The following INPP5A variants were observed in gnomAD, a reference collection of about 807,000 sequenced individuals.
The protein encoded by INPP5A is 43 kDa inositol polyphosphate 5-phophatase.
A neutral mutation model predicts 65.2 loss-of-function variants in INPP5A; 14 were observed. The observed-to-expected ratio is 0.21, with a 90% confidence interval of 0.14 to 0.34. INPP5A has a LOEUF of 0.34. Among genes scored for constraint, INPP5A ranks in the 10% least tolerant of loss-of-function variants. The pLI is 1.00. For missense variants in INPP5A, 431 were observed against 545.6 expected, an observed-to-expected ratio of 0.79 and a Z score of 2.09; for synonymous variants, 207 against 208.3, an observed-to-expected ratio of 0.99 and a Z score of 0.05.
In INPP5A at chr10:132,704,051, C is replaced by T. The variant is rs1283821166; in HGVS notation, c.475-4262C>T. Among the ~76,000 whole-genome samples the T allele has an allele frequency of 6.6e-6, 1 of 151,466 alleles. No homozygotes were observed. Among genetic ancestry groups the T allele is most frequent in the Non-Finnish European group, 1.5e-5 (1 of 67,886 alleles). On this transcript the variant is annotated intron_variant, in intron 6 of 15. Transcript: ENST00000368594. The surrounding 1 kb of genome is among the most constrained non-coding windows in gnomAD (Gnocchi z 4.5). ...TGGCTTCACCCCCACACACACGCAG[C>T]TTCACCCGCATGGGTTCTGAAGGCT...
At chr10:132,648,810 C>A (rs1214477859) in intron 3 of INPP5A, among the ~76,000 whole-genome samples, 1 of 152,186 alleles carries the variant, frequency 6.6e-6, no homozygotes, top group African/African-American at 2.4e-5. Flanking sequence ...GTCTTTATAG[C>A]TGGTTTGCAG....
chr10:132,540,728 C>T (rs370850068), intron 1 of INPP5A, among the ~76,000 whole-genome samples: 18 of 152,360 alleles, frequency 1.2e-4, no homozygotes, highest in Admixed American at 2.6e-4. Flanking sequence ...TTGTGCAGCC[C>T]GTCCCGTGCT....
In INPP5A at chr10:132,545,953, T is replaced by C. The variant is rs183908280; in HGVS notation, c.75+7782T>C. On this transcript the variant is annotated intron_variant, in intron 1 of 15. Coordinates refer to ENST00000368594, the MANE Select transcript of INPP5A (RefSeq NM_005539.5). The surrounding 1 kb of genome is among the most constrained non-coding windows in gnomAD (Gnocchi z 4.6). ...TGGCACCTGCACTGTGTCCACTCTT[T>C]AGGCTCTAATGTTCATGGTGTGTTT... Among the ~76,000 whole-genome samples, 18 of 152,348 alleles carry C rather than the reference T, an allele frequency of 1.2e-4. No individual in the cohort carries two copies. The East Asian group carries it at 3.3e-3, about 28-fold the overall frequency.
rs549874815 is a variant in INPP5A at position 132,712,302 on chromosome 10, G to A, written c.647+1846G>A. Among the ~76,000 whole-genome samples the A allele has an allele frequency of 2.0e-5, 3 of 152,244 alleles. No individual in the cohort carries two copies. The South Asian group carries it at 6.2e-4, about 32-fold the overall frequency. Reference sequence around the variant, plus strand: ...CACATGCACATGCATGTGAGTGTATGCACAGTTGCTTGTGGGGTTTGTGTG... The same window carrying A: ...CACATGCACATGCATGTGAGTGTATACACAGTTGCTTGTGGGGTTTGTGTG... On this transcript the variant is annotated intron_variant, in intron 8 of 15. Transcript: ENST00000368594.
chr10:132,582,608 A>G (rs1480360986), intron 1 of INPP5A, among the ~76,000 whole-genome samples: 1 of 151,938 alleles, frequency 6.6e-6, no homozygotes, highest in Non-Finnish European at 1.5e-5. Flanking sequence ...TTTTGTAGAG[A>G]TGGGGTCTCA....
At chr10:132,693,280 A>T (rs180898741) in intron 5 of INPP5A, among the ~76,000 whole-genome samples, 59 of 152,352 alleles carry the variant, frequency 3.9e-4, no homozygotes, top group Admixed American at 3.9e-3. Flanking sequence ...AAAGGCAACA[A>T]ATAGAAAACT....
intron 4 of INPP5A, among the ~76,000 whole-genome samples, chr10:132,672,407 G>A (rs925929848): frequency 6.6e-6 from 1 of 152,150 alleles, no homozygotes; most frequent in Non-Finnish European, 1.5e-5. Flanking sequence ...GGGACCCTGC[G>A]GGAGGCAAGG....
chr10:132,599,745 A>G (rs2071753081), intron 1 of INPP5A, among the ~76,000 whole-genome samples: 1 of 152,220 alleles, frequency 6.6e-6, no homozygotes, highest in Admixed American at 6.5e-5. Context: ...ACATCGAGGC[A>G]TTTTCATACA....
intron 9 of INPP5A, among the ~76,000 whole-genome samples, chr10:132,730,591 T>C (rs2134592491): frequency 6.6e-6 from 1 of 152,308 alleles, no homozygotes; most frequent in African/African-American, 2.4e-5. Flanking sequence ...TGCCTGGCCA[T>C]CGAAGCGTCA....
intron 1 of INPP5A, among the ~76,000 whole-genome samples, chr10:132,574,289 C>T (rs1386596050): frequency 8.4e-6 from 1 of 119,714 alleles, no homozygotes; most frequent in Non-Finnish European, 1.7e-5. Flanking sequence ...GTGTGCGTGC[C>T]GTGGGAGGTT....
intron 11 of INPP5A, among the ~76,000 whole-genome samples, chr10:132,759,143 C>T (rs916963139): frequency 6.6e-6 from 1 of 152,204 alleles, no homozygotes; most frequent in African/African-American, 2.4e-5. Context: ...TCAGCGTGGC[C>T]CAGGCCTCAG....
At chr10:132,544,152 C>T (rs1410297878) in intron 1 of INPP5A, among the ~76,000 whole-genome samples, 2 of 152,262 alleles carry the variant, frequency 1.3e-5, no homozygotes, top group Non-Finnish European at 2.9e-5. Flanking sequence ...CTTCTCCCTT[C>T]CTGGGACCTC....
intron 4 of INPP5A, among the ~76,000 whole-genome samples, chr10:132,685,333 G>A (rs187039326): frequency 4.6e-4 from 70 of 152,358 alleles, no homozygotes; most frequent in Non-Finnish European, 8.7e-4. Context: ...TCACGCCCGC[G>A]ACGCGGTTGG....
intron 13 of INPP5A, among the ~76,000 whole-genome samples, chr10:132,778,032 G>A (rs986456555): frequency 2.6e-5 from 4 of 152,358 alleles, no homozygotes; most frequent in East Asian, 1.9e-4. Context: ...GTCATCCTGA[G>A]TTTGAAACAT....
At chr10:132,611,407 G>T (rs2071947662) in intron 2 of INPP5A, among the ~76,000 whole-genome samples, 1 of 148,318 alleles carries the variant, frequency 6.7e-6, no homozygotes, top group South Asian at 2.2e-4. Flanking sequence ...CCTGTCAGAG[G>T]AGGGTGTGGG....
chr10:132,731,255 C>G (rs750619675), intron 9 of INPP5A, among the ~76,000 whole-genome samples: 2 of 151,560 alleles, frequency 1.3e-5, no homozygotes, highest in Non-Finnish European at 2.9e-5. Context: ...ATATCAGGCA[C>G]CCCTCCTGCG....
In INPP5A at chr10:132,560,339, C is replaced by T. The variant is rs143534121; in HGVS notation, c.75+22168C>T. On this transcript the variant is annotated intron_variant, in intron 1 of 15. Transcript: ENST00000368594. ...ATAATTCTGACTTTTTAAGGAACTG[C>T]CAGACTCTTTCCACAGCAGCTGCAG... Among the ~76,000 whole-genome samples, 291 of 152,290 alleles carry T rather than the reference C, an allele frequency of 1.9e-3. 1 individual carries two copies. The highest frequency in any genetic ancestry group is 3.2e-3 in the Non-Finnish European group (221 of 68,022).
intron 2 of INPP5A, among the ~76,000 whole-genome samples, chr10:132,629,724 A>G (rs78032981): frequency 0.015 from 2,302 of 152,340 alleles, 33 homozygotes; most frequent in South Asian, 0.039. Flanking sequence ...GTGGGTATCC[A>G]CAAGGGAATG....
intron 2 of INPP5A, among the ~76,000 whole-genome samples, chr10:132,641,295 C>A (rs2072424241): frequency 6.6e-6 from 1 of 152,182 alleles, no homozygotes; most frequent in South Asian, 2.1e-4. Context: ...TCAAGATGAC[C>A]AATGCCTGGA....
Sources: allele counts gnomAD v4.1 joint callset (sites outside exome capture counted in the v4.1 genomes callset), GRCh38; gene constraint gnomAD v4.1.1; non-coding constraint Gnocchi (gnomAD v3.1); transcripts MANE v1.5; gene names NCBI Gene and HGNC (gene_info 2026-07-23, HGNC 2026-07-21).